LMLN: variants seen among roughly 807,000 people sequenced by gnomAD.
LMLN encodes leishmanolysin like peptidase.
A neutral mutation model predicts 92.3 loss-of-function variants in LMLN; 70 were observed. The ratio of observed to expected loss-of-function variants is 0.76; its 90% CI spans 0.63 to 0.92. The LOEUF (loss-of-function observed/expected upper bound fraction) is 0.92. Ranked by LOEUF, LMLN falls within the 40% of genes least tolerant of loss-of-function variation. The pLI is 0.00. For missense variants in LMLN, 691 were observed against 814.6 expected (o/e 0.85, Z 1.85); for synonymous variants, 308 against 296.2 (o/e 1.04, Z -0.41).
At chr3:198,010,132 T>G (rs1214253971) in intron 11 of LMLN, among the ~76,000 whole-genome samples, 1 of 152,160 alleles carries the variant, frequency 6.6e-6, no homozygotes, top group African/African-American at 2.4e-5. Flanking sequence ...TGCTTGTTTT[T>G]GGTTTATTTA....
intron 8 of LMLN, among the ~76,000 whole-genome samples, chr3:197,987,441 G>A (rs1721745339): frequency 6.6e-6 from 1 of 152,130 alleles, no homozygotes; most frequent in Non-Finnish European, 1.5e-5. Context: ...TTACAGGCGT[G>A]AGCCACCGCG....
rs1483520554 is a variant in LMLN, at chr3:198,000,560, T to C, written c.1232+1218T>C. On this transcript the variant is annotated intron_variant, in intron 11 of 15. Coordinates refer to ENST00000330198, the Ensembl canonical transcript of LMLN. ...CTCCTGCCTCAGCCTCCTGAGTAGC[T>C]GGGACTACAGGCGTGCATCACCACA... is the stretch of plus-strand genomic sequence containing the variant. Among the ~76,000 whole-genome samples the C allele has an allele frequency of 2.6e-5, 4 of 152,314 alleles. No homozygotes were observed. The East Asian group carries it at 7.7e-4, about 29-fold the overall frequency.
intron 14 of LMLN, among the ~76,000 whole-genome samples, chr3:198,027,717 CAAT>C (rs933104891): frequency 5.3e-5 from 8 of 152,208 alleles, no homozygotes; most frequent in Non-Finnish European, 1.5e-5. Context: ...CTTTATGTCT[CAAT>C]AACACTCCAT....
chr3:197,986,112 A>G (rs1420313918), intron 8 of LMLN, among the ~76,000 whole-genome samples: 2 of 152,204 alleles, frequency 1.3e-5, no homozygotes, highest in Admixed American at 6.5e-5. Context: ...CACAAGAACC[A>G]TTCTTAAGCT....
chr3:197,962,237 G>A (rs1184471328), intron 1 of LMLN, among the ~76,000 whole-genome samples: 1 of 151,800 alleles, frequency 6.6e-6, no homozygotes, highest in African/African-American at 2.4e-5. Context: ...GGAATTATAT[G>A]GTATGTACTC....
intron 11 of LMLN, among the ~76,000 whole-genome samples, chr3:198,000,530 C>T (rs1034529025): frequency 2.0e-5 from 3 of 152,158 alleles, no homozygotes; most frequent in South Asian, 4.1e-4. Context: ...CAGGGTCAAG[C>T]GACTCTCCTG....
intron 11 of LMLN, among the ~76,000 whole-genome samples, chr3:198,013,880 G>A (rs1379659966): frequency 7.0e-6 from 1 of 142,052 alleles, no homozygotes; most frequent in African/African-American, 2.8e-5. Context: ...ACCCTTCAGA[G>A]CCCCCTAACT....
exon 16 of LMLN, chr3:198,040,575 C>G (rs1723375515): frequency 6.9e-6 from 1 of 145,296 alleles, no homozygotes; most frequent in African/African-American, 2.6e-5. Context: ...GGACAGACTC[C>G]TCCTATTCCT....
chr3:197,976,659 GA>G lies in LMLN; in HGVS notation c.494del (p.Glu165GlyfsTer81). The G allele has an allele frequency of 6.3e-7, 1 of 1,597,806 alleles. No individual in the cohort carries two copies. The highest frequency in any genetic ancestry group is 8.6e-7 in the Non-Finnish European group (1 of 1,169,362). ...CGATCCTCACAGGTACTGCACCGGGGAGTGTGCCGCACACACAAAGTGCGGC... is the reference window on the plus strand; with the variant it reads ...CGATCCTCACAGGTACTGCACCGGGGGTGTGCCGCACACACAAAGTGCGGC... On this transcript the variant is annotated frameshift_variant, in exon 5 of 16. Transcript: ENST00000330198. LOFTEE classifies it high-confidence loss of function.
chr3:197,984,564 C>T (rs533372774), intron 7 of LMLN, among the ~76,000 whole-genome samples: 1 of 152,008 alleles, frequency 6.6e-6, no homozygotes, highest in South Asian at 2.1e-4. Flanking sequence ...AGTGATCCCA[C>T]CTTAGCCTCC....
At position 197,990,627 on chromosome 3, in the gene LMLN, A is replaced by G. The variant is rs1414455884; in HGVS notation, c.998A>G (p.Asn333Ser). 3.1e-6 allele frequency: 5 copies of G among 1,605,336 alleles called. No homozygotes were observed. In the East Asian group the frequency reaches 6.7e-5, roughly 21 times the overall value. ...GAGAGATTATGGGATGTTCGAGATAATAAGATAGTTCGTCACACTGTGTAT... is the reference window on the plus strand; with the variant it reads ...GAGAGATTATGGGATGTTCGAGATAGTAAGATAGTTCGTCACACTGTGTAT... Residue 333 changes from asparagine to serine, a missense_variant, in exon 9 of 16, where the codon AAT (asparagine) becomes AGT (serine). Asn to Ser is a conservative substitution (Grantham distance 46). Transcript: ENST00000330198.
intron 7 of LMLN, among the ~76,000 whole-genome samples, chr3:197,985,390 T>TACACGC (rs1721676186): frequency 7.0e-6 from 1 of 142,402 alleles, no homozygotes; most frequent in African/African-American, 2.6e-5. Flanking sequence ...TTTCATAATG[T>TACACGC]ACACACACAC....
At chr3:198,016,166 G>A (rs1722633955) in intron 11 of LMLN, among the ~76,000 whole-genome samples, 1 of 150,188 alleles carries the variant, frequency 6.7e-6, no homozygotes. Flanking sequence ...ACTCCAGTGT[G>A]GGTGACAGCA....
At chr3:198,024,434 C>CTCCA (rs1220405562) in intron 13 of LMLN, among the ~76,000 whole-genome samples, 9 of 152,168 alleles carry the variant, frequency 5.9e-5, no homozygotes, top group Non-Finnish European at 1.2e-4. Flanking sequence ...CCAGGATGGT[C>CTCCA]TCCATCTTCT....
chr3:198,005,915 A>T (rs949700086), intron 11 of LMLN, among the ~76,000 whole-genome samples: 2 of 152,008 alleles, frequency 1.3e-5, no homozygotes, highest in African/African-American at 4.8e-5. Flanking sequence ...TCAGGAGTTC[A>T]AGACCAGCCT....
rs576658978 is a variant in LMLN at position 198,031,022 on chromosome 3, G to A, written c.1657-4811G>A. On this transcript the variant is annotated intron_variant, in intron 14 of 15. Coordinates refer to ENST00000330198, the Ensembl canonical transcript of LMLN. This position sits in a 1 kb window ranked among gnomAD's most constrained non-coding sequence, Gnocchi z 4.8. ...GCCTGCTGACAGCGTGGGAAGGCGGGACCTCACCTCTGCCCTCAGGGTCCT... is the reference window on the plus strand; with the variant it reads ...GCCTGCTGACAGCGTGGGAAGGCGGAACCTCACCTCTGCCCTCAGGGTCCT... Among the ~76,000 whole-genome samples, 4 of 152,294 alleles carry A rather than the reference G, an allele frequency of 2.6e-5. No homozygotes were observed. In the East Asian group the frequency reaches 7.7e-4, roughly 29 times the overall value.
intron 14 of LMLN, among the ~76,000 whole-genome samples, chr3:198,030,647 C>T (rs543028485): frequency 1.2e-4 from 19 of 152,312 alleles, no homozygotes; most frequent in Non-Finnish European, 1.6e-4. Flanking sequence ...CTTGGGATCT[C>T]GAGTCAGGAT....
At chr3:197,962,610 C>A (rs907361887) in intron 1 of LMLN, among the ~76,000 whole-genome samples, 2 of 152,212 alleles carry the variant, frequency 1.3e-5, no homozygotes, top group Non-Finnish European at 2.9e-5. Flanking sequence ...GTTATGGTTG[C>A]TGCATATCCT....
rs180822555 is a variant in LMLN, at chr3:197,973,187, T to C, written c.220-1190T>C. Among the ~76,000 whole-genome samples, 585 of 152,250 alleles carry C rather than the reference T, an allele frequency of 3.8e-3. 4 individuals carry two copies. The highest frequency in any genetic ancestry group is 0.013 in the African/African-American group (552 of 41,556). The stretch of plus-strand genomic sequence containing the variant: ...AATGTGTTATCTGTGGGGAGGTTAG[T>C]CATGTAATGGATTGCTAAAATGTAC... On this transcript the variant is annotated intron_variant, in intron 1 of 15. Coordinates refer to ENST00000330198, the Ensembl canonical transcript of LMLN.
Sources: gnomAD v4.1 joint callset for allele counts (sites outside exome capture counted in the v4.1 genomes callset) on GRCh38, gnomAD v4.1.1 for gene constraint, Gnocchi (gnomAD v3.1) non-coding constraint, MANE v1.5 for transcripts, NCBI Gene and HGNC (gene_info 2026-07-23, HGNC 2026-07-21) for gene names.